Variants in MTMR7 observed in about 807,000 individuals in gnomAD.
MTMR7 encodes myotubularin related protein 7, also known as phosphatidylinositol-3-phosphate phosphatase MTMR7.
A neutral mutation model predicts 81.2 loss-of-function variants in MTMR7; 76 were observed. The ratio of observed to expected loss-of-function variants is 0.94; its 90% CI spans 0.78 to 1.13. The LOEUF is 1.13. Ranked by LOEUF, MTMR7 falls within the 50% of genes most tolerant of loss-of-function variation. The probability of loss-of-function intolerance (pLI) is 0.00; values close to 1 mark genes in which losing one functional copy is unlikely to be tolerated. For missense variants in MTMR7, 1,044 were observed against 820.0 expected, an observed-to-expected ratio of 1.27 and a Z score of -3.34; for synonymous variants, 372 against 289.8, an observed-to-expected ratio of 1.28 and a Z score of -2.88.
intron 6 of MTMR7, among the ~76,000 whole-genome samples, chr8:17,336,603 G>C (rs1819244428): frequency 1.3e-5 from 2 of 152,190 alleles, no homozygotes. Context: ...GTGACATCCT[G>C]TTACACAACT....
intron 9 of MTMR7, among the ~76,000 whole-genome samples, chr8:17,311,120 C>T (rs932887045): frequency 6.6e-6 from 1 of 152,164 alleles, no homozygotes; most frequent in Non-Finnish European, 1.5e-5. Flanking sequence ...TTTTGGCATA[C>T]ACAATATAGA....
In MTMR7 at chr8:17,298,362, T is replaced by G. The variant is rs1816876915; in HGVS notation, c.*1500A>C. The G allele has an allele frequency of 6.6e-6, 1 of 152,104 alleles. No individual in the cohort carries two copies. Among genetic ancestry groups the G allele is most frequent in the South Asian group, 2.1e-4 (1 of 4,830 alleles). 9.4% of individuals were successfully genotyped at this position (152,104 alleles called of 1,614,324 possible). A position where few individuals can be genotyped will look rare whatever the true frequency, so the allele number is the denominator to read the frequency against. On this transcript the variant is annotated 3_prime_UTR_variant, in exon 14 of 14. Transcript: ENST00000180173. ...ATTACACTTGCTTTATTTTTTACAT[T>G]AACAGTACTTTTAAATCACAGTTCT...
At chr8:17,350,474 A>G (rs1245614792) in intron 4 of MTMR7, among the ~76,000 whole-genome samples, 1 of 152,160 alleles carries the variant, frequency 6.6e-6, no homozygotes, top group Admixed American at 6.5e-5. Context: ...CTTATTCACT[A>G]TCATGAGAAC....
At position 17,311,882 on chromosome 8, in the gene MTMR7, G is replaced by A. The variant is rs1586158056; in HGVS notation, c.976-246C>T. 1.4e-5 allele frequency: 7 copies of A among 495,998 alleles called. No individual in the cohort carries two copies. In the South Asian group the frequency reaches 1.8e-4, roughly 13 times the overall value. The allele number at this position is 495,998 out of a possible 1,614,324, so 30.7% of individuals were successfully genotyped here. On this transcript the variant is annotated intron_variant, in intron 8 of 13. Transcript: ENST00000180173. ...CTCAAGTCACCTCCAATAAGCGCAT[G>A]TACTTACTAAACATAAGCATTCGTC...
In MTMR7 at chr8:17,396,411, G is replaced by A. The variant is rs552349544; in HGVS notation, c.24+16858C>T. The stretch of plus-strand genomic sequence containing the variant: ...TAAGTTCACAGATTCTTTCTCCTAC[G>A]TGGAAAAAGAATCTGTGCACTTGCG... On this transcript the variant is annotated intron_variant, in intron 1 of 13. Transcript: ENST00000180173. Among the ~76,000 whole-genome samples the A allele has an allele frequency of 2.4e-3, 368 of 152,276 alleles. 9 individuals carry two copies. Among genetic ancestry groups the A allele is most frequent in the Non-Finnish European group, 5.0e-4 (34 of 68,008 alleles).
intron 6 of MTMR7, among the ~76,000 whole-genome samples, chr8:17,335,196 G>C (rs574074869): frequency 6.6e-6 from 1 of 152,316 alleles, no homozygotes; most frequent in East Asian, 1.9e-4. Flanking sequence ...AGCGCTGACA[G>C]AGAGGAGGGA....
At chr8:17,367,965 G>T (rs1820283828) in intron 3 of MTMR7, among the ~76,000 whole-genome samples, 1 of 148,488 alleles carries the variant, frequency 6.7e-6, no homozygotes, top group African/African-American at 2.5e-5. Context: ...TGACTTAAAT[G>T]AATTCCCAAA....
At chr8:17,327,505 T>A (rs1341234570) in intron 7 of MTMR7, among the ~76,000 whole-genome samples, 2 of 152,124 alleles carry the variant, frequency 1.3e-5, no homozygotes, top group Non-Finnish European at 2.9e-5. Flanking sequence ...GGTCTCAAAC[T>A]CCTGTGGCTC....
chr8:17,301,240 G>A (rs1465525678), intron 13 of MTMR7, among the ~76,000 whole-genome samples: 1 of 152,228 alleles, frequency 6.6e-6, no homozygotes, highest in East Asian at 1.9e-4. Context: ...GAGAGGCAGA[G>A]TTCATGCAAT....
Position 17,373,233 on chromosome 8 carries a change from T to C in MTMR7, c.32A>G (p.Asn11Ser), listed in dbSNP as rs867635486. Residue 11 changes from asparagine to serine, a missense_variant, in exon 2 of 14, where the codon AAT (asparagine) becomes AGT (serine). Physicochemically the swap from Asn to Ser is conservative, Grantham distance 46 (BLOSUM62 1). Coordinates refer to ENST00000180173, the MANE Select transcript of MTMR7 (RefSeq NM_004686.5). The part of the protein sequence containing the change: MEHIRTPKVE[N>S]VRLVDRVSPK... ...AGACACTCGATCTACCAAGCGGACATTTTCAACCTAGAGAAATCGGCATGA... is the reference window on the plus strand; with the variant it reads ...AGACACTCGATCTACCAAGCGGACACTTTCAACCTAGAGAAATCGGCATGA... 2 of 1,610,808 alleles carry C rather than the reference T, an allele frequency of 1.2e-6. No individual in the cohort carries two copies. The highest frequency in any genetic ancestry group is 1.7e-6 in the Non-Finnish European group (2 of 1,178,558).
chr8:17,364,326 C>A (rs541123091), intron 3 of MTMR7, among the ~76,000 whole-genome samples: 1 of 152,060 alleles, frequency 6.6e-6, no homozygotes, highest in East Asian at 1.9e-4. Flanking sequence ...AGCCACCGCG[C>A]CCGGTCAAAA....
rs754247603 is a variant in MTMR7 at position 17,309,278 on chromosome 8, G to C, written c.1150C>G (p.Arg384Gly). The C allele has an allele frequency of 6.6e-7, 1 of 1,526,714 alleles. No individual in the cohort carries two copies. The highest frequency in any genetic ancestry group is 9.1e-7 in the Non-Finnish European group (1 of 1,101,702). 94.6% of individuals were successfully genotyped at this position (1,526,714 alleles called of 1,614,324 possible). ...AAAACAGTCTTAAATATTACTTACC[G>C]GTGATTAAACTTATGACCAAAGGAA... ...WISFGHKFNH[R>G]YGNLDGDPKE... Residue 384 changes from arginine (R) to glycine (G), a missense_variant and splice_region_variant, in exon 10 of 14, where the codon CGA becomes GGA. Transcript: ENST00000180173.
chr8:17,374,318 T>A (rs543736025), intron 1 of MTMR7, among the ~76,000 whole-genome samples: 1 of 152,044 alleles, frequency 6.6e-6, no homozygotes, highest in Non-Finnish European at 1.5e-5. Flanking sequence ...AAATCCCACG[T>A]CTCTACTAAA....
chr8:17,298,227 G>T lies in MTMR7; in HGVS notation c.*1635C>A, dbSNP rs1185893347. ...ATATCCTAAGTTTTATTTTAGCAAG[G>T]TATTCCCTATTACATATAGTATATT... On this transcript the variant is annotated 3_prime_UTR_variant, in exon 14 of 14. Transcript: ENST00000180173. The T allele has an allele frequency of 6.6e-6, 1 of 151,964 alleles. No homozygotes were observed. The allele number at this position is 151,964 out of a possible 1,614,324, so 9.4% of individuals were successfully genotyped here.
chr8:17,341,949 A>T (rs1357741834), intron 5 of MTMR7, among the ~76,000 whole-genome samples: 1 of 152,128 alleles, frequency 6.6e-6, no homozygotes, highest in African/African-American at 2.4e-5. Flanking sequence ...CCCATCTAGA[A>T]ACATCACAAA....
intron 1 of MTMR7, among the ~76,000 whole-genome samples, chr8:17,404,450 G>T (rs1821519552): frequency 6.6e-6 from 1 of 152,150 alleles, no homozygotes; most frequent in East Asian, 1.9e-4. Flanking sequence ...TAAGATCCAG[G>T]TACTATGAAT....
At chr8:17,312,980 T>A (rs1462139716) in intron 8 of MTMR7, among the ~76,000 whole-genome samples, 2 of 152,152 alleles carry the variant, frequency 1.3e-5, no homozygotes, top group Admixed American at 1.3e-4. Flanking sequence ...CCAAGCCCCA[T>A]CACTGAAGTA....
chr8:17,385,615 G>A (rs146894651), intron 1 of MTMR7, among the ~76,000 whole-genome samples: 4 of 152,248 alleles, frequency 2.6e-5, no homozygotes, highest in African/African-American at 7.2e-5. Context: ...ACCCAATCGC[G>A]GGTATGTCTT....
intron 1 of MTMR7, among the ~76,000 whole-genome samples, chr8:17,379,057 A>G (rs78493293): frequency 0.018 from 2,736 of 152,324 alleles, 40 homozygotes; most frequent in Non-Finnish European, 0.03. Context: ...CAGGAGGACA[A>G]TCAGGAGATT....
Sources: gnomAD v4.1 joint callset for allele counts (sites outside exome capture counted in the v4.1 genomes callset) on GRCh38, gnomAD v4.1.1 for gene constraint, MANE v1.5 for transcripts, NCBI Gene and HGNC (gene_info 2026-07-23, HGNC 2026-07-21) for gene names.